The following KIF21A variants were observed in gnomAD, a reference collection of about 807,000 sequenced individuals.
KIF21A encodes the protein kinesin-like protein KIF21A.
In KIF21A, 114 loss-of-function variants were observed where a neutral mutation model predicts 202.9. That is an observed-to-expected ratio of 0.56 (90% CI 0.48 to 0.66). The LOEUF (loss-of-function observed/expected upper bound fraction) is 0.66, where lower values mean the gene tolerates loss of function less well. Ranked by LOEUF, KIF21A falls within the 30% of genes least tolerant of loss-of-function variation. The pLI is 0.00. For missense variants in KIF21A, 1,677 were observed against 1,994.9 expected, an observed-to-expected ratio of 0.84 and a Z score of 3.04; for synonymous variants, 667 against 670.8, an observed-to-expected ratio of 0.99 and a Z score of 0.09.
In KIF21A at chr12:39,361,663, G is replaced by A. The variant is rs183591020; in HGVS notation, c.1019+1435C>T. On this transcript the variant is annotated intron_variant, in intron 7 of 37. Transcript: ENST00000361418. ...TGGGACTACAGGCGCCCGCCACCACGCCTGGCTAATTTTTTTGTATTTTTA... is the reference window on the plus strand; with the variant it reads ...TGGGACTACAGGCGCCCGCCACCACACCTGGCTAATTTTTTTGTATTTTTA... Among the ~76,000 whole-genome samples the A allele has an allele frequency of 3.7e-3, 557 of 149,310 alleles. 6 individuals are homozygous for A. The highest frequency in any genetic ancestry group is 0.014 in the African/African-American group (544 of 40,152).
intron 1 of KIF21A, among the ~76,000 whole-genome samples, chr12:39,394,114 T>C (rs552458713): frequency 1.2e-3 from 189 of 152,308 alleles, no homozygotes; most frequent in African/African-American, 4.2e-3. Flanking sequence ...GTTTCATCTC[T>C]TTTTCATTCC....
rs756739438 is a variant in KIF21A, at chr12:39,332,648, G to A, written c.2799C>T (p.Ile933=). The stretch of plus-strand genomic sequence containing the variant: ...TGGAAATGGTCATCTTCTGCATGAT[G>A]ATGTCTGTGACCCTGCGCTCAAGGA... ...WQLLERRVTD[I]IMQKMTISNM... Residue 933 remains isoleucine, a synonymous_variant, in exon 20 of 38, where the codon ATC becomes ATT. Transcript: ENST00000361418. 1.2e-6 allele frequency: 2 copies of A among 1,614,008 alleles called. No individual in the cohort carries two copies. The highest frequency in any genetic ancestry group is 1.7e-6 in the Non-Finnish European group (2 of 1,179,964).
intron 1 of KIF21A, among the ~76,000 whole-genome samples, chr12:39,391,563 C>A (rs1022553645): frequency 1.3e-5 from 2 of 151,922 alleles, no homozygotes; most frequent in African/African-American, 4.8e-5. Context: ...CATAGGAAGA[C>A]CCTGTCTCAA....
chr12:39,357,662 C>A (rs190903089), intron 8 of KIF21A, among the ~76,000 whole-genome samples: 1 of 151,892 alleles, frequency 6.6e-6, no homozygotes, highest in East Asian at 1.9e-4. Flanking sequence ...GTAATCCCAG[C>A]ACTTTGGGAG....
At chr12:39,327,568 T>C (rs1946075914) in intron 24 of KIF21A, among the ~76,000 whole-genome samples, 1 of 152,228 alleles carries the variant, frequency 6.6e-6, no homozygotes, top group South Asian at 2.1e-4. Flanking sequence ...TTGCACAGTG[T>C]GATGAAATTA....
chr12:39,407,957 T>C (rs1483988107), intron 1 of KIF21A, among the ~76,000 whole-genome samples: 2 of 149,120 alleles, frequency 1.3e-5, no homozygotes, highest in African/African-American at 4.9e-5. Context: ...TCAAGGCATA[T>C]GAATAGAGAA....
chr12:39,313,478 A>T (rs1944227088), intron 31 of KIF21A, among the ~76,000 whole-genome samples: 1 of 151,908 alleles, frequency 6.6e-6, no homozygotes, highest in Admixed American at 6.6e-5. Flanking sequence ...ATACAATAAG[A>T]CTTTTAAATG....
intron 1 of KIF21A, among the ~76,000 whole-genome samples, chr12:39,390,699 A>T (rs995333729): frequency 2.3e-4 from 35 of 151,950 alleles, no homozygotes; most frequent in Non-Finnish European, 2.6e-4. Context: ...AAGGAAAAAA[A>T]TATATATATA....
intron 7 of KIF21A, among the ~76,000 whole-genome samples, chr12:39,359,507 GGTCATTAACAATTGTGATGTGT>G (rs1327573542): frequency 6.6e-6 from 1 of 152,076 alleles, no homozygotes; most frequent in East Asian, 1.9e-4. Flanking sequence ...ACCAATATTA[GGTCATTAACAATTGTGATGTGT>G]GTCATGTGTA....
chr12:39,311,619 TA>T, intron 31 of KIF21A, 66 bp from the exon 32 acceptor site: 1 of 1,580,716 alleles, frequency 6.3e-7, no homozygotes, highest in Non-Finnish European at 8.7e-7. Context: ...ATCATGAGAC[TA>T]GTTTTGTTTT....
Position 39,369,918 on chromosome 12 carries a change from A to C in KIF21A, c.268-7T>G, listed in dbSNP as rs780837838. On this transcript the variant is annotated splice_region_variant and splice_polypyrimidine_tract_variant and intron_variant, in intron 2 of 37. Transcript: ENST00000361418. ...ATGTTTTACCAGCTCCAGTCTAAAC[A>C]AAAGAACAGAGAAAGATTAGTGTTC... is the stretch of plus-strand genomic sequence containing the variant. The C allele has an allele frequency of 6.2e-7, 1 of 1,612,438 alleles. No homozygotes were observed. Among genetic ancestry groups the C allele is most frequent in the East Asian group, 2.2e-5 (1 of 44,800 alleles).
intron 1 of KIF21A, among the ~76,000 whole-genome samples, chr12:39,378,652 T>G (rs1219171550): frequency 6.6e-6 from 1 of 152,180 alleles, no homozygotes; most frequent in African/African-American, 2.4e-5. Context: ...CACAGAAAAT[T>G]TCATTTGGTC....
rs891093891 is a variant in KIF21A at position 39,442,414 on chromosome 12, T to G, written c.44+513A>C. Among the ~76,000 whole-genome samples, 2 of 151,936 alleles carry G rather than the reference T, an allele frequency of 1.3e-5. No homozygotes were observed. The highest frequency in any genetic ancestry group is 2.9e-5 in the Non-Finnish European group (2 of 67,980). On this transcript the variant is annotated intron_variant, in intron 1 of 37. Transcript: ENST00000361418. The surrounding 1 kb of genome is among the most constrained non-coding windows in gnomAD (Gnocchi z 5.0). ...ATTTGCACAGACATCAGAACCCGAG[T>G]GGGCGCGCGGCGGGCCCTGCGGTCG...
intron 1 of KIF21A, among the ~76,000 whole-genome samples, chr12:39,423,630 C>T (rs184778234): frequency 5.3e-4 from 81 of 151,980 alleles, no homozygotes; most frequent in African/African-American, 1.8e-3. Context: ...TAGTGGATCA[C>T]CTGAGGTCAG....
chr12:39,369,938 G>A, intron 2 of KIF21A, 27 bp from the exon 3 acceptor site: 1 of 1,604,220 alleles, frequency 6.2e-7, no homozygotes, highest in African/African-American at 1.3e-5. Context: ...AGAAAGATTA[G>A]TGTTCAACCT....
chr12:39,384,637 G>T (rs1297481422), intron 1 of KIF21A, among the ~76,000 whole-genome samples: 1 of 152,014 alleles, frequency 6.6e-6, no homozygotes, highest in Non-Finnish European at 1.5e-5. Flanking sequence ...TTTTTCTATT[G>T]CTGTGAAACA....
At chr12:39,432,647 A>G (rs1456987574) in intron 1 of KIF21A, among the ~76,000 whole-genome samples, 4 of 151,590 alleles carry the variant, frequency 2.6e-5, no homozygotes, top group Admixed American at 2.0e-4. Flanking sequence ...GCCTGGCTCT[A>G]TCACGCAGGC....
At position 39,293,736 on chromosome 12, in the gene KIF21A, A is replaced by T. The variant is rs1942048481; in HGVS notation, c.*688T>A. 1 of 151,696 alleles carries T rather than the reference A, an allele frequency of 6.6e-6. No individual in the cohort carries two copies. The highest frequency in any genetic ancestry group is 1.5e-5 in the Non-Finnish European group (1 of 67,698). The allele number at this position is 151,696 out of a possible 1,614,324, so 9.4% of individuals were successfully genotyped here. A position where few individuals can be genotyped will look rare whatever the true frequency, so the allele number is the denominator to read the frequency against. ...ACAGAATATATGCACAGCACTGGAA[A>T]AAAAAAAAAAAATTAACAGCATTTT... On this transcript the variant is annotated 3_prime_UTR_variant, in exon 38 of 38. Transcript: ENST00000361418.
Position 39,351,948 on chromosome 12 carries a change from T to TC in KIF21A, c.1501dup (p.Glu501GlyfsTer36). 11 of 1,613,332 alleles carry TC rather than the reference T, an allele frequency of 6.8e-6. No individual in the cohort carries two copies. Among genetic ancestry groups the TC allele is most frequent in the Non-Finnish European group, 9.3e-6 (11 of 1,179,400 alleles). Reference sequence around the variant, plus strand: ...TCTTGTCAAGTTTTTTCGAAGGTTCTCATTCACTGCTTCACTTTCTAATAA... The same window carrying TC: ...TCTTGTCAAGTTTTTTCGAAGGTTCTCCATTCACTGCTTCACTTTCTAATAA... On this transcript the variant is annotated frameshift_variant, in exon 11 of 38. Transcript: ENST00000361418. LOFTEE classifies it high-confidence loss of function.
Sources: allele counts gnomAD v4.1 joint callset (sites outside exome capture counted in the v4.1 genomes callset), GRCh38; gene constraint gnomAD v4.1.1; non-coding constraint Gnocchi (gnomAD v3.1); transcripts MANE v1.5; gene names NCBI Gene and HGNC (gene_info 2026-07-23, HGNC 2026-07-21).